Variants in WDFY3 observed in about 807,000 individuals in gnomAD.
WDFY3 encodes the protein WD repeat and FYVE domain containing 3.
A neutral mutation model predicts 409.6 loss-of-function variants in WDFY3; 66 were observed. The ratio of observed to expected loss-of-function variants is 0.16; its 90% CI spans 0.13 to 0.20. WDFY3 has a LOEUF of 0.20. Ranked by LOEUF, WDFY3 falls within the 10% of genes least tolerant of loss-of-function variation. The probability of loss-of-function intolerance (pLI) is 1.00; values close to 1 mark genes in which losing one functional copy is unlikely to be tolerated. For missense variants in WDFY3, 3,031 were observed against 4,298.1 expected, an observed-to-expected ratio of 0.71 and a Z score of 8.24; for synonymous variants, 1,521 against 1,537.1, an observed-to-expected ratio of 0.99 and a Z score of 0.25.
At chr4:84,868,134 T>G (rs1318528446) in intron 3 of WDFY3, among the ~76,000 whole-genome samples, 1 of 111,008 alleles carries the variant, frequency 9.0e-6, no homozygotes, top group Non-Finnish European at 1.6e-5. Context: ...ATCATGCCAC[T>G]GCACTCCAGC....
intron 63 of WDFY3, 123 bp downstream of exon 63, chr4:84,683,820 C>G (rs553891947): frequency 9.7e-7 from 1 of 1,028,104 alleles, no homozygotes; most frequent in South Asian, 1.7e-5. Flanking sequence ...CCTGTCTGAG[C>G]TGGAGCGAGA....
At chr4:84,746,230 T>C (rs938998437) in intron 36 of WDFY3, among the ~76,000 whole-genome samples, 9 of 151,554 alleles carry the variant, frequency 5.9e-5, no homozygotes, top group East Asian at 1.9e-4. Context: ...GTTGGGAGGA[T>C]TGATTGACCT....
chr4:84,709,165 TA>T, intron 52 of WDFY3, 127 bp downstream of exon 52: 2 of 1,422,556 alleles, frequency 1.4e-6, no homozygotes, highest in Non-Finnish European at 1.9e-6. Context: ...CTTTTTTTTC[TA>T]AAAAGAATGA....
chr4:84,915,110 A>G (rs1021548096), intron 2 of WDFY3, among the ~76,000 whole-genome samples: 1 of 152,218 alleles, frequency 6.6e-6, no homozygotes, highest in Non-Finnish European at 1.5e-5. Context: ...TTAATATAAA[A>G]TATCTAGAAC....
chr4:84,940,091 G>A (rs1391930197), intron 1 of WDFY3, among the ~76,000 whole-genome samples: 4 of 151,968 alleles, frequency 2.6e-5, no homozygotes, highest in Non-Finnish European at 5.9e-5. Flanking sequence ...ATATTTGTGT[G>A]TCTCTCCTTC....
intron 5 of WDFY3, among the ~76,000 whole-genome samples, chr4:84,844,153 G>T (rs749423516): frequency 5.3e-5 from 8 of 152,048 alleles, no homozygotes; most frequent in African/African-American, 9.7e-5. Context: ...GTAAACAAAC[G>T]AATTCAATTA....
intron 5 of WDFY3, among the ~76,000 whole-genome samples, chr4:84,848,867 T>G (rs752816852): frequency 6.6e-6 from 1 of 152,188 alleles, no homozygotes; most frequent in Non-Finnish European, 1.5e-5. Context: ...GGTTTTGTAT[T>G]AAATACATTT....
At chr4:84,742,327 T>C (rs1414082214) in intron 37 of WDFY3, among the ~76,000 whole-genome samples, 1 of 152,194 alleles carries the variant, frequency 6.6e-6, no homozygotes, top group Non-Finnish European at 1.5e-5. Context: ...ATAGCTCTAA[T>C]AGCAGTGAAG....
intron 51 of WDFY3, among the ~76,000 whole-genome samples, chr4:84,712,540 G>T (rs1440840401): frequency 6.6e-6 from 1 of 151,894 alleles, no homozygotes. Flanking sequence ...GACCAACGTG[G>T]CAAAACCCTG....
chr4:84,804,433 G>A (rs1578598386), intron 15 of WDFY3, among the ~76,000 whole-genome samples: 2 of 151,852 alleles, frequency 1.3e-5, no homozygotes, highest in Non-Finnish European at 2.9e-5. Flanking sequence ...GCACTGCCGT[G>A]GTTTAAAAAA....
In WDFY3 at chr4:84,836,972, G is replaced by C; in HGVS notation, c.533C>G (p.Pro178Arg). Residue 178 changes from proline to arginine, a missense_variant, in exon 7 of 68, where the codon CCT becomes CGT. By Grantham distance (103) the Pro-to-Arg change is moderately radical. This residue lies in a region of WDFY3 where 1,322 missense variants were observed against 1,697.9 expected (regional missense o/e 0.78). Transcript: ENST00000295888. ...EAVGGAQNEL[P>R]LAERRGLLQK... ...GAGTAGTCCTCGACGTTCTGCTAGA[G>C]GTAGCTCATTCTGTGCACCTCCAAC... 1 of 1,592,548 alleles carries C rather than the reference G, an allele frequency of 6.3e-7. No individual in the cohort carries two copies. The highest frequency in any genetic ancestry group is 2.3e-5 in the East Asian group (1 of 43,844).
intron 3 of WDFY3, among the ~76,000 whole-genome samples, chr4:84,891,230 T>C (rs1764905650): frequency 6.6e-6 from 1 of 152,176 alleles, no homozygotes; most frequent in African/African-American, 2.4e-5. Flanking sequence ...CCCTTTCCTC[T>C]CTTCCATGAT....
Position 84,794,951 on chromosome 4 carries a change from G to A in WDFY3, c.3196C>T (p.His1066Tyr). The stretch of plus-strand genomic sequence containing the variant: ...ACGGTATTATTTGTAGGAGCATTAT[G>A]AGGGGCCAAACTGGGCAAAAAAAGA... The part of the protein sequence containing the change: ...GCLFLPSLAP[H>Y]NAPTNNTVTT... Residue 1066 changes from histidine to tyrosine, a missense_variant, in exon 20 of 68, where the codon CAT (histidine) becomes TAT (tyrosine). This residue lies in a region of WDFY3 where 1,322 missense variants were observed against 1,697.9 expected (regional missense o/e 0.78). Coordinates refer to ENST00000295888, the MANE Select transcript of WDFY3 (RefSeq NM_014991.6). 1 of 1,571,936 alleles carries A rather than the reference G, an allele frequency of 6.4e-7. No homozygotes were observed. Among genetic ancestry groups the A allele is most frequent in the Non-Finnish European group, 8.6e-7 (1 of 1,163,476 alleles).
Position 84,717,013 on chromosome 4 carries a change from C to T in WDFY3, c.7758G>A (p.Met2586Ile), listed in dbSNP as rs762920706. 1 of 1,589,608 alleles carries T rather than the reference C, an allele frequency of 6.3e-7. No individual in the cohort carries two copies. The highest frequency in any genetic ancestry group is 1.2e-5 in the South Asian group (1 of 86,630). Reference sequence around the variant, plus strand: ...CTCCTCTAGGAATAATAGGCTCATGCATACTACAGGCAGCCAAGAGAAAAA... The same window carrying T: ...CTCCTCTAGGAATAATAGGCTCATGTATACTACAGGCAGCCAAGAGAAAAA... The part of the protein sequence containing the change: ...IRDIETLPPN[M>I]HEPIIPRGAR... The change falls in exon 49 of 68, where the codon ATG (methionine) becomes ATA (isoleucine). Residue 2586 changes from methionine (M) to isoleucine (I), a missense_variant. This residue lies in a region of WDFY3 where 40 missense variants were observed against 54.2 expected (regional missense o/e 0.74). Coordinates refer to ENST00000295888, the MANE Select transcript of WDFY3 (RefSeq NM_014991.6).
intron 56 of WDFY3, among the ~76,000 whole-genome samples, chr4:84,697,945 TTTGTTGTTTAAAGGAA>T (rs1730401514): frequency 6.6e-6 from 1 of 152,156 alleles, no homozygotes; most frequent in Non-Finnish European, 1.5e-5. Context: ...CAAATATCAG[TTTGTTGTTTAAAGGAA>T]TGTCTTGACT....
intron 22 of WDFY3, among the ~76,000 whole-genome samples, chr4:84,789,087 G>T (rs182873731): frequency 6.6e-6 from 1 of 152,204 alleles, no homozygotes; most frequent in African/African-American, 2.4e-5. Context: ...AGAAGGTCAA[G>T]AATTTTCAGA....
intron 2 of WDFY3, among the ~76,000 whole-genome samples, chr4:84,904,697 A>C (rs1195237667): frequency 2.0e-5 from 3 of 152,188 alleles, no homozygotes; most frequent in African/African-American, 7.2e-5. Flanking sequence ...TAAAAGGTAG[A>C]GTTTCTAGGG....
intron 39 of WDFY3, among the ~76,000 whole-genome samples, chr4:84,739,850 C>T (rs1277915706): frequency 1.3e-5 from 2 of 152,184 alleles, no homozygotes; most frequent in African/African-American, 2.4e-5. Context: ...ACTAATTTTA[C>T]TCATTTAACA....
At chr4:84,706,443 G>T (rs893130250) in intron 53 of WDFY3, among the ~76,000 whole-genome samples, 1 of 150,998 alleles carries the variant, frequency 6.6e-6, no homozygotes, top group African/African-American at 2.4e-5. Context: ...AGTTGAGAGA[G>T]ACATAAAATG....
Sources: gnomAD v4.1 joint callset for allele counts (sites outside exome capture counted in the v4.1 genomes callset) on GRCh38, gnomAD v4.1.1 for gene constraint, gnomAD v4.1.1 regional missense constraint, MANE v1.5 for transcripts, NCBI Gene and HGNC (gene_info 2026-07-23, HGNC 2026-07-21) for gene names.